OSBPL9: variants seen among roughly 807,000 people sequenced by gnomAD.
The protein encoded by OSBPL9 is oxysterol binding protein like 9, also known as oxysterol-binding protein-related protein 9.
A neutral mutation model predicts 106.6 loss-of-function variants in OSBPL9; 40 were observed. The observed-to-expected ratio is 0.38, with a 90% CI of 0.29 to 0.49. The LOEUF is 0.49. Among genes scored for constraint, OSBPL9 ranks in the 20% least tolerant of loss-of-function variants. The probability of loss-of-function intolerance (pLI) is 0.97; values close to 1 mark genes in which losing one functional copy is unlikely to be tolerated. For synonymous variants in OSBPL9, 269 were observed against 295.4 expected, an observed-to-expected ratio of 0.91 and a Z score of 0.92; for missense variants, 609 against 887.2, an observed-to-expected ratio of 0.69 and a Z score of 3.98.
chr1:51,671,984 C>G (rs970516317), intron 3 of OSBPL9, among the ~76,000 whole-genome samples: 16 of 152,272 alleles, frequency 1.1e-4, no homozygotes, highest in South Asian at 6.2e-4. Context: ...AGCTAGAGGT[C>G]AGCTCTGGCT....
At chr1:51,717,600 G>C (rs58906181) in intron 4 of OSBPL9, among the ~76,000 whole-genome samples, 2 of 151,698 alleles carry the variant, frequency 1.3e-5, no homozygotes, top group Non-Finnish European at 2.9e-5. Flanking sequence ...ATGAAAAGGT[G>C]CCTAACATCA....
chr1:51,736,167 G>A (rs916869200), intron 4 of OSBPL9, among the ~76,000 whole-genome samples: 1 of 152,152 alleles, frequency 6.6e-6, no homozygotes, highest in Non-Finnish European at 1.5e-5. Flanking sequence ...AGAATAAAAC[G>A]AAGTCCTGTT....
At chr1:51,591,485 G>T (rs1411461767) in intron 1 of OSBPL9, among the ~76,000 whole-genome samples, 1 of 152,210 alleles carries the variant, frequency 6.6e-6, no homozygotes, top group Non-Finnish European at 1.5e-5. Flanking sequence ...TTTTGTCTTA[G>T]ACATGTGAAG....
intron 8 of OSBPL9, among the ~76,000 whole-genome samples, chr1:51,754,410 A>G (rs1351850130): frequency 6.6e-6 from 1 of 152,244 alleles, no homozygotes; most frequent in African/African-American, 2.4e-5. Flanking sequence ...AAAATCAGGC[A>G]CTTTAAATGG....
intron 2 of OSBPL9, 152 bp from the exon 3 acceptor site, chr1:51,669,282 C>G: frequency 1.5e-6 from 1 of 646,496 alleles, no homozygotes; most frequent in South Asian, 2.0e-5. Flanking sequence ...AGTTCTTTCT[C>G]CTTAAGCAAA....
At chr1:51,712,239 C>G (rs1177929750) in intron 3 of OSBPL9, among the ~76,000 whole-genome samples, 3 of 152,234 alleles carry the variant, frequency 2.0e-5, no homozygotes, top group African/African-American at 7.2e-5. Context: ...AGCGAAACCC[C>G]GTCTCCACCA....
intron 3 of OSBPL9, among the ~76,000 whole-genome samples, chr1:51,692,051 C>A (rs540585191): frequency 6.6e-5 from 10 of 152,302 alleles, no homozygotes; most frequent in Non-Finnish European, 1.3e-4. Context: ...CTCACACTTA[C>A]AATCCCAGCA....
At chr1:51,645,373 A>G (rs567612386) in intron 1 of OSBPL9, among the ~76,000 whole-genome samples, 2 of 152,176 alleles carry the variant, frequency 1.3e-5, no homozygotes, top group South Asian at 2.1e-4. Flanking sequence ...CGAGTTCTGT[A>G]TATATTCTCG....
rs1013481477 is a variant in OSBPL9 at position 51,756,527 on chromosome 1, G to T, written c.582+169G>T. The T allele has an allele frequency of 3.1e-5, 19 of 617,248 alleles. No individual in the cohort carries two copies. The Admixed American group carries it at 5.4e-4, about 17-fold the overall frequency. The allele number at this position is 617,248 out of a possible 1,614,324, so 38.2% of individuals were successfully genotyped here. A position where few individuals can be genotyped will look rare whatever the true frequency, so the allele number is the denominator to read the frequency against. On this transcript the variant is annotated intron_variant, in intron 9 of 23. Coordinates refer to ENST00000428468, the MANE Select transcript of OSBPL9 (RefSeq NM_024586.6). ...AGCTCCCTTCTTTCAGCAATCATTT[G>T]CAGGGGAAATGACAATCTTAAAATT...
the OSBPL9 span, among the ~76,000 whole-genome samples, chr1:51,529,433 C>A: frequency 6.6e-6 from 1 of 151,986 alleles, no homozygotes; most frequent in Non-Finnish European, 1.5e-5. Context: ...TTAGTAGAGA[C>A]AGGGTTTCAC....
intron 1 of OSBPL9, among the ~76,000 whole-genome samples, chr1:51,635,618 T>C (rs950703270): frequency 2.0e-5 from 3 of 152,204 alleles, no homozygotes; most frequent in African/African-American, 7.2e-5. Context: ...GGCTACTATT[T>C]AGTTTTTAAT....
upstream of OSBPL9, among the ~76,000 whole-genome samples, chr1:51,575,336 G>C (rs906534284): frequency 1.3e-5 from 2 of 151,792 alleles, no homozygotes; most frequent in African/African-American, 4.8e-5. Context: ...GAGTAGCTGG[G>C]ATTACAGGTG....
At chr1:51,608,123 G>T (rs749607680) in intron 2 of OSBPL9, among the ~76,000 whole-genome samples, 12 of 152,068 alleles carry the variant, frequency 7.9e-5, no homozygotes, top group Non-Finnish European at 1.8e-4. Context: ...CTAGAGGAAG[G>T]TCATATACAA....
At chr1:51,630,281 G>C (rs1052473996) in intron 1 of OSBPL9, among the ~76,000 whole-genome samples, 5 of 151,958 alleles carry the variant, frequency 3.3e-5, no homozygotes, top group African/African-American at 1.2e-4. Context: ...AGTCTCTCCC[G>C]GCGCTGGGTC....
chr1:51,647,737 A>G (rs975084740), intron 1 of OSBPL9, among the ~76,000 whole-genome samples: 1 of 150,940 alleles, frequency 6.6e-6, no homozygotes, highest in African/African-American at 2.4e-5. Context: ...TTTTTCTTTC[A>G]TTCCTGATTT....
At chr1:51,674,845 A>G (rs1199703893) in intron 3 of OSBPL9, among the ~76,000 whole-genome samples, 2 of 152,222 alleles carry the variant, frequency 1.3e-5, no homozygotes, top group Admixed American at 6.5e-5. Flanking sequence ...CCTGGGCCAC[A>G]TTGGAAGAAG....
intron 1 of OSBPL9, among the ~76,000 whole-genome samples, chr1:51,582,201 T>C (rs998678154): frequency 5.3e-5 from 8 of 152,214 alleles, no homozygotes; most frequent in African/African-American, 1.9e-4. Flanking sequence ...GAATTATAAT[T>C]GTTAACTGAT....
chr1:51,535,640 C>A, the OSBPL9 span, among the ~76,000 whole-genome samples: 571 of 152,036 alleles, frequency 3.8e-3, 3 homozygotes, highest in African/African-American at 0.013. Flanking sequence ...TCATTTCAGC[C>A]TCTGCCTATG....
chr1:51,697,337 C>A (rs1656256264), intron 3 of OSBPL9, among the ~76,000 whole-genome samples: 1 of 151,796 alleles, frequency 6.6e-6, no homozygotes, highest in Non-Finnish European at 1.5e-5. Context: ...TATTGGGGCT[C>A]AGTAGCTACC....
Sources: gnomAD v4.1 joint callset for allele counts (sites outside exome capture counted in the v4.1 genomes callset) on GRCh38, gnomAD v4.1.1 for gene constraint, MANE v1.5 for transcripts, NCBI Gene and HGNC (gene_info 2026-07-23, HGNC 2026-07-21) for gene names.